Variants in LIN28B observed in about 807,000 individuals in gnomAD.
LIN28B encodes the protein protein lin-28 homolog B.
LIN28B carries 5 observed loss-of-function variants against 21.9 expected under a neutral mutation model. That is an observed-to-expected ratio of 0.23 (90% CI 0.12 to 0.48). LIN28B has a LOEUF of 0.48. LIN28B is among the 20% of genes least tolerant of loss of function. The pLI is 0.98. For missense variants in LIN28B, 245 were observed against 310.5 expected (o/e 0.79, Z 1.58); for synonymous variants, 109 against 111.3 (o/e 0.98, Z 0.13).
intron 3 of LIN28B, among the ~76,000 whole-genome samples, chr6:105,053,869 T>G (rs1377771816): frequency 6.6e-6 from 1 of 151,998 alleles, no homozygotes; most frequent in Non-Finnish European, 1.5e-5. Flanking sequence ...TATTCAGGAT[T>G]ACAGGCTGGG....
chr6:105,042,138 C>G (rs1261622450), intron 3 of LIN28B, among the ~76,000 whole-genome samples: 1 of 152,082 alleles, frequency 6.6e-6, no homozygotes, highest in Non-Finnish European at 1.5e-5. Context: ...CCACCCCCAT[C>G]TAAACCACAA....
At chr6:105,037,105 C>T (rs1205580870) in intron 3 of LIN28B, among the ~76,000 whole-genome samples, 1 of 152,176 alleles carries the variant, frequency 6.6e-6, no homozygotes, top group Non-Finnish European at 1.5e-5. Flanking sequence ...GACATCCAAT[C>T]TGTTCCTGTG....
chr6:104,993,341 G>A (rs895734970), intron 2 of LIN28B, among the ~76,000 whole-genome samples: 2 of 151,972 alleles, frequency 1.3e-5, no homozygotes, highest in African/African-American at 4.8e-5. Context: ...TGGTGGAGAG[G>A]ACCTGTAGTC....
chr6:105,078,611 A>G lies in LIN28B; in HGVS notation c.581A>G (p.Glu194Gly), dbSNP rs1049715460. ...CCATGCACTTCAACTCTCCCTCGAG[A>G]AGTGGGAGGCGGGCATGGCTGTACA... ...SQPCTSTLPREVGGGHGCTSP... is the reference protein window; with the variant it reads ...SQPCTSTLPRGVGGGHGCTSP... The change falls in exon 4 of 4, where the codon GAA becomes GGA. Residue 194 changes from glutamate to glycine, a missense_variant. Glu to Gly is a moderately conservative substitution (Grantham distance 98). Transcript: ENST00000345080. The G allele has an allele frequency of 1.9e-6, 3 of 1,613,910 alleles. No homozygotes were observed. Among genetic ancestry groups the G allele is most frequent in the Admixed American group, 1.7e-5 (1 of 59,992 alleles).
chr6:104,983,277 A>G (rs1413809966), intron 2 of LIN28B, among the ~76,000 whole-genome samples: 1 of 152,240 alleles, frequency 6.6e-6, no homozygotes, highest in East Asian at 1.9e-4. Flanking sequence ...AGGAGAGTGA[A>G]GATAGCTCAA....
chr6:104,991,461 T>C (rs314283), intron 2 of LIN28B, among the ~76,000 whole-genome samples: 82,471 of 148,008 alleles, frequency 0.56, 22,895 homozygotes, highest in East Asian at 0.69. Flanking sequence ...GATGGGCGGC[T>C]GGGCAGAGAC....
chr6:105,009,484 T>G (rs1158213430), intron 2 of LIN28B, among the ~76,000 whole-genome samples: 5 of 152,142 alleles, frequency 3.3e-5, no homozygotes, highest in Admixed American at 6.5e-5. Context: ...TATTTTTACA[T>G]TAGGTAAAGC....
chr6:104,958,553 C>T (rs567141124), intron 2 of LIN28B, among the ~76,000 whole-genome samples: 2 of 152,164 alleles, frequency 1.3e-5, no homozygotes, highest in Admixed American at 1.3e-4. Context: ...CATTCTACAG[C>T]GAAATAGTGT....
intron 2 of LIN28B, among the ~76,000 whole-genome samples, chr6:105,013,813 C>T (rs1562092894): frequency 6.6e-6 from 1 of 151,604 alleles, no homozygotes; most frequent in African/African-American, 2.4e-5. Context: ...ACCTTTTGTT[C>T]CTAGAGATGA....
chr6:104,967,159 C>T (rs1172188602), intron 2 of LIN28B, among the ~76,000 whole-genome samples: 1 of 151,946 alleles, frequency 6.6e-6, no homozygotes, highest in African/African-American at 2.4e-5. Context: ...AATTCATATG[C>T]ATTTTACTAA....
At chr6:105,045,397 C>G (rs978344482) in intron 3 of LIN28B, among the ~76,000 whole-genome samples, 1 of 151,008 alleles carries the variant, frequency 6.6e-6, no homozygotes. Flanking sequence ...AGCAATTCTC[C>G]TGCCTCAGCC....
At chr6:104,969,059 A>G (rs1769919794) in intron 2 of LIN28B, among the ~76,000 whole-genome samples, 1 of 152,168 alleles carries the variant, frequency 6.6e-6, no homozygotes, top group African/African-American at 2.4e-5. Flanking sequence ...AGAGACATAT[A>G]CGTAACACAG....
intron 3 of LIN28B, among the ~76,000 whole-genome samples, chr6:105,053,694 G>A (rs1771958960): frequency 8.0e-6 from 1 of 124,350 alleles, no homozygotes; most frequent in Non-Finnish European, 1.7e-5. Context: ...ATGGTTGTTT[G>A]TATGGTGTGT....
chr6:105,040,121 ATC>A (rs1341740424), intron 3 of LIN28B, among the ~76,000 whole-genome samples: 1 of 152,160 alleles, frequency 6.6e-6, no homozygotes, highest in Admixed American at 6.5e-5. Flanking sequence ...TGTTTTCAGC[ATC>A]TCTCGACATA....
At chr6:105,040,128 G>A (rs541486418) in intron 3 of LIN28B, among the ~76,000 whole-genome samples, 1 of 152,140 alleles carries the variant, frequency 6.6e-6, no homozygotes, top group South Asian at 2.1e-4. Flanking sequence ...AGCATCTCTC[G>A]ACATAATTAA....
chr6:105,053,909 A>G (rs559685859), intron 3 of LIN28B, among the ~76,000 whole-genome samples: 1 of 151,928 alleles, frequency 6.6e-6, no homozygotes, highest in Non-Finnish European at 1.5e-5. Context: ...ACGCCCAGCT[A>G]ATTTCTGTAT....
At chr6:105,013,056 C>T (rs959646581) in intron 2 of LIN28B, among the ~76,000 whole-genome samples, 74 of 152,032 alleles carry the variant, frequency 4.9e-4, no homozygotes, top group Non-Finnish European at 1.0e-4. Context: ...GCTCTTGTTA[C>T]CCAGGCTGGG....
chr6:104,993,633 C>T (rs889215121), intron 2 of LIN28B, among the ~76,000 whole-genome samples: 1 of 151,980 alleles, frequency 6.6e-6, no homozygotes, highest in Non-Finnish European at 1.5e-5. Flanking sequence ...GCCAGGAGTT[C>T]AAGACCAGCC....
intron 3 of LIN28B, among the ~76,000 whole-genome samples, chr6:105,076,867 G>A (rs907862452): frequency 6.6e-6 from 1 of 151,828 alleles, no homozygotes; most frequent in Non-Finnish European, 1.5e-5. Flanking sequence ...GTCTCCCAAA[G>A]TGCTGGGATT....
Sources: allele counts gnomAD v4.1 joint callset (sites outside exome capture counted in the v4.1 genomes callset), GRCh38; gene constraint gnomAD v4.1.1; transcripts MANE v1.5; gene names NCBI Gene and HGNC (gene_info 2026-07-23, HGNC 2026-07-21).